CIDEB: variants seen among roughly 807,000 people sequenced by gnomAD.
CIDEB encodes lipid transferase CIDEB.
CIDEB carries 27 observed loss-of-function variants against 22.4 expected under a neutral mutation model. That is an observed-to-expected ratio of 1.21 (90% CI 0.89 to 1.66). The LOEUF (loss-of-function observed/expected upper bound fraction) is 1.66. Among genes scored for constraint, CIDEB ranks in the 40% most tolerant of loss-of-function variants. CIDEB has a pLI of 0.00. For missense variants in CIDEB, 289 were observed against 268.7 expected (o/e 1.08, Z -0.53); for synonymous variants, 103 against 109.5 (o/e 0.94, Z 0.37).
upstream of CIDEB, chr14:24,310,569 G>C: frequency 7.6e-7 from 1 of 1,309,896 alleles, no homozygotes; most frequent in Non-Finnish European, 1.1e-6. Flanking sequence ...GTAAGGAGGA[G>C]GCATGGCACC....
At position 24,305,934 on chromosome 14, in the gene CIDEB, G is replaced by A; in HGVS notation, c.527+13C>T. ...TGTAGGGGATGGGGCAGTATGACAT[G>A]TTGATTTCTGACCTGAGTACTTTCT... On this transcript the variant is annotated intron_variant, in intron 4 of 4. Transcript: ENST00000554411. 6.8e-6 allele frequency: 11 copies of A among 1,610,656 alleles called. No homozygotes were observed. Among genetic ancestry groups the A allele is most frequent in the Non-Finnish European group, 9.3e-6 (11 of 1,177,874 alleles).
upstream of CIDEB, chr14:24,308,500 G>C (rs1363434285): frequency 6.5e-6 from 1 of 154,292 alleles, no homozygotes; most frequent in Non-Finnish European, 1.4e-5. Context: ...TTCCTCCTTG[G>C]TCGGAGGAGG....
chr14:24,305,844 T>C, intron 4 of CIDEB, 79 bp from the exon 5 acceptor site: 1 of 1,590,016 alleles, frequency 6.3e-7, no homozygotes, highest in Admixed American at 1.7e-5. Flanking sequence ...ATGAGGACTT[T>C]CCACAAGCAA....
upstream of CIDEB, chr14:24,311,045 C>T: frequency 6.3e-7 from 1 of 1,577,002 alleles, no homozygotes; most frequent in Non-Finnish European, 8.5e-7. Context: ...CCCGCCCCTT[C>T]CTGGCGCCTC....
In CIDEB at chr14:24,307,527, G is replaced by A. The variant is rs980644771; in HGVS notation, c.42-12C>T. The stretch of plus-strand genomic sequence containing the variant: ...TATTAGATACTGACCTGGTAGTTGA[G>A]AAGAAAAGTCAAGAAGGGGCGAGGA... On this transcript the variant is annotated splice_polypyrimidine_tract_variant and intron_variant, in intron 1 of 4. Coordinates refer to ENST00000554411, the MANE Select transcript of CIDEB (RefSeq NM_001393339.1). 6.2e-7 allele frequency: 1 copy of A among 1,611,552 alleles called. No individual in the cohort carries two copies. The highest frequency in any genetic ancestry group is 8.5e-7 in the Non-Finnish European group (1 of 1,178,476).
At position 24,307,385 on chromosome 14, in the gene CIDEB, C is replaced by T. The variant is rs138292688; in HGVS notation, c.172G>A (p.Glu58Lys). Residue 58 changes from glutamate to lysine, a missense_variant, in exon 2 of 5, where the codon GAG (glutamate) becomes AAG (lysine). Transcript: ENST00000554411. ...GGCCTACTTACTTTGGCTAGCAGCT[C>T]CTGGCGGGTGGCAGCTGTCAGGCCT... ...RKGLTAATRQ[E>K]LLAKALETLL... is the part of the protein sequence containing the mutation. The T allele has an allele frequency of 3.9e-5, 63 of 1,613,578 alleles. No homozygotes were observed. In the African/African-American group the frequency reaches 5.9e-4, roughly 15 times the overall value.
chr14:24,311,260 G>A, upstream of CIDEB: 2 of 1,603,740 alleles, frequency 1.2e-6, no homozygotes, highest in Non-Finnish European at 1.7e-6. Flanking sequence ...CTGATGCTCG[G>A]CTGCTACAGC....
upstream of CIDEB, chr14:24,310,011 C>G (rs928556059): frequency 6.3e-6 from 1 of 158,060 alleles, no homozygotes; most frequent in Non-Finnish European, 1.4e-5. Context: ...CCCACTTCAG[C>G]TTGTGCTGTT....
upstream of CIDEB, chr14:24,311,327 G>T: frequency 6.2e-7 from 1 of 1,601,302 alleles, no homozygotes; most frequent in Non-Finnish European, 8.5e-7. Flanking sequence ...ACGGGGCGCG[G>T]GTGGGCCGGC....
At chr14:24,308,932 G>T (rs1321175647), upstream of CIDEB, 1 of 152,222 alleles carries the variant, frequency 6.6e-6, no homozygotes. Flanking sequence ...AGGTATTCAG[G>T]TTGTTGCCCA....
upstream of CIDEB, chr14:24,310,005 C>G (rs1299119849): frequency 1.3e-5 from 2 of 157,564 alleles, no homozygotes; most frequent in Admixed American, 6.4e-5. Context: ...TACTGCCCCA[C>G]TTCAGCTTGT....
At chr14:24,308,196 A>G (rs978879267), upstream of CIDEB, 3 of 348,454 alleles carry the variant, frequency 8.6e-6, no homozygotes, top group African/African-American at 4.2e-5. Context: ...TTTTATTTCT[A>G]TGGAGGGAAT....
intron 2 of CIDEB, chr14:24,306,724 T>G: frequency 4.9e-6 from 3 of 610,872 alleles, no homozygotes; most frequent in Non-Finnish European, 8.5e-6. Context: ...ACCTTTTTCC[T>G]CTTTGCTCCT....
intron 3 of CIDEB, 110 bp from the exon 4 acceptor site, chr14:24,306,247 T>A: frequency 6.6e-7 from 1 of 1,520,356 alleles, no homozygotes; most frequent in African/African-American, 1.4e-5. Flanking sequence ...GTCCACTGTG[T>A]GACATCCTTG....
chr14:24,306,330 C>T (rs757470795), intron 3 of CIDEB, 44 bp downstream of exon 3: 9 of 1,612,946 alleles, frequency 5.6e-6, no homozygotes, highest in Non-Finnish European at 7.6e-6. Flanking sequence ...CGGGAAAGCT[C>T]TAAAGGACAG....
Position 24,307,890 on chromosome 14 carries a change from C to G in CIDEB, c.-32G>C. The G allele has an allele frequency of 6.4e-7, 1 of 1,566,742 alleles. No homozygotes were observed. The highest frequency in any genetic ancestry group is 8.7e-7 in the Non-Finnish European group (1 of 1,153,380). On this transcript the variant is annotated 5_prime_UTR_variant, in exon 1 of 5. Transcript: ENST00000554411. ...CCGGAGAGTTCCTTCCCTGGAACTTCTGGGCTGGGTGGTTCTCTCCTGTGC... is the reference window on the plus strand; with the variant it reads ...CCGGAGAGTTCCTTCCCTGGAACTTGTGGGCTGGGTGGTTCTCTCCTGTGC...
At position 24,305,450 on chromosome 14, in the gene CIDEB, G is replaced by A; in HGVS notation, c.*183C>T. The A allele has an allele frequency of 1.4e-6, 1 of 709,298 alleles. No homozygotes were observed. The highest frequency in any genetic ancestry group is 2.2e-6 in the Non-Finnish European group (1 of 445,854). 43.9% of individuals were successfully genotyped at this position (709,298 alleles called of 1,614,324 possible). On this transcript the variant is annotated 3_prime_UTR_variant, in exon 5 of 5. Coordinates refer to ENST00000554411, the MANE Select transcript of CIDEB (RefSeq NM_001393339.1). ...GGAAAGAACAGCATTCTTCAGGTAA[G>A]GGTATAGACTTGGGATGTGAGGCGT...
chr14:24,310,850 G>A (rs747984069), upstream of CIDEB: 87 of 1,592,838 alleles, frequency 5.5e-5, no homozygotes, highest in Middle Eastern at 1.7e-4. Context: ...CGCTTGTGCT[G>A]CACCTGGCGC....
upstream of CIDEB, chr14:24,311,352 G>C: frequency 6.2e-7 from 1 of 1,605,772 alleles, no homozygotes; most frequent in South Asian, 1.1e-5. Context: ...GAGCGCCATC[G>C]TGCTTGCCTT....
Sources: gnomAD v4.1 joint callset for allele counts on GRCh38, gnomAD v4.1.1 for gene constraint, MANE v1.5 for transcripts, NCBI Gene and HGNC (gene_info 2026-07-23, HGNC 2026-07-21) for gene names.